BLM: variants seen among roughly 807,000 people sequenced by gnomAD.
BLM encodes BLM RecQ like helicase.
A neutral mutation model predicts 135.3 loss-of-function variants in BLM; 95 were observed. The ratio of observed to expected loss-of-function variants is 0.70; its 90% confidence interval spans 0.59 to 0.83. The LOEUF is 0.83. Ranked by LOEUF, BLM falls within the 40% of genes least tolerant of loss-of-function variation. The pLI, the probability that BLM is intolerant of heterozygous loss-of-function variation, is 0.00. For missense variants in BLM, 1,518 were observed against 1,663.9 expected (o/e 0.91, Z 1.53); for synonymous variants, 520 against 589.2 (o/e 0.88, Z 1.70).
Position 90,809,257 on chromosome 15 carries a change from C to G in BLM, c.3872C>G (p.Pro1291Arg), listed in dbSNP as rs373003917. Residue 1291 changes from proline (P) to arginine (R), a missense_variant and splice_region_variant, in exon 20 of 22, where the codon CCA becomes CGA. Coordinates refer to ENST00000355112, the MANE Select transcript of BLM (RefSeq NM_000057.4). ...VLQKYSEWTS[P>R]AEDSSPGISL... ...CAGAAATACTCTGAATGGACATCGC[C>G]AGGTTAGTACACAGCCATGTGTGTT... The G allele has an allele frequency of 6.2e-7, 1 of 1,614,162 alleles. No homozygotes were observed. Among genetic ancestry groups the G allele is most frequent in the South Asian group, 1.1e-5 (1 of 91,086 alleles).
Position 90,723,705 on chromosome 15 carries a change from A to T in BLM, c.-5+6265A>T, listed in dbSNP as rs185377009. Among the ~76,000 whole-genome samples the T allele has an allele frequency of 3.9e-5, 6 of 152,284 alleles. No individual in the cohort carries two copies. In the East Asian group the frequency reaches 1.2e-3, roughly 29 times the overall value. ...TCTTAACCTCTTAACAGAGTTTTAC[A>T]TGTATAGTACCACACAGCCACAATG... On this transcript the variant is annotated intron_variant, in intron 1 of 21. Coordinates refer to ENST00000355112, the MANE Select transcript of BLM (RefSeq NM_000057.4).
At chr15:90,781,426 A>T (rs1270686046) in intron 12 of BLM, among the ~76,000 whole-genome samples, 1 of 152,146 alleles carries the variant, frequency 6.6e-6, no homozygotes, top group African/African-American at 2.4e-5. Flanking sequence ...GGAGTTTGAG[A>T]CCAGCCTGGC....
intron 3 of BLM, among the ~76,000 whole-genome samples, chr15:90,750,915 T>C (rs939672972): frequency 1.3e-4 from 20 of 152,210 alleles, no homozygotes; most frequent in Admixed American, 3.9e-4. Context: ...TTCCTGAAGA[T>C]AAGGGGGTTG....
rs1298735524 is a variant in BLM, at chr15:90,808,888, CTGCCCTGGCTCT to C, written c.3752-242_3752-231del. On this transcript the variant is annotated intron_variant, in intron 19 of 21. Coordinates refer to ENST00000355112, the MANE Select transcript of BLM (RefSeq NM_000057.4). ...CACAGGTCCCACCCTCAGCTTCCTC[CTGCCCTGGCTCT>C]TGCCCTTGCTCTGCCCTGGCCTATG... The C allele has an allele frequency of 7.2e-6, 4 of 556,050 alleles. No homozygotes were observed. The East Asian group carries it at 1.3e-4, about 18-fold the overall frequency. 34.4% of individuals were successfully genotyped at this position (556,050 alleles called of 1,614,324 possible).
At chr15:90,770,167 T>TCCC (rs35712829) in intron 12 of BLM, among the ~76,000 whole-genome samples, 82 of 120,506 alleles carry the variant, frequency 6.8e-4, no homozygotes, top group Middle Eastern at 4.3e-3. Context: ...ATAAAAGAAA[T>TCCC]CCCCCCCCCC....
intron 17 of BLM, 69 bp downstream of exon 17, chr15:90,798,406 G>A (rs761856299): frequency 4.6e-6 from 7 of 1,509,610 alleles, no homozygotes; most frequent in Non-Finnish European, 6.3e-6. Context: ...TTTATTACAA[G>A]TACATAGAAA....
intron 19 of BLM, 45 bp from the exon 20 acceptor site, chr15:90,809,092 T>C (rs372136798): frequency 1.2e-6 from 2 of 1,612,106 alleles, no homozygotes; most frequent in African/African-American, 2.7e-5. Context: ...CAGTGGGTTT[T>C]CTATGGGTGA....
chr15:90,776,753 T>C (rs1020825028), intron 12 of BLM, among the ~76,000 whole-genome samples: 3 of 152,202 alleles, frequency 2.0e-5, no homozygotes, highest in African/African-American at 7.2e-5. Flanking sequence ...TTGCCCAGAC[T>C]GGTCTCGAAC....
chr15:90,777,072 G>A (rs1468740637), intron 12 of BLM, among the ~76,000 whole-genome samples: 4 of 151,154 alleles, frequency 2.6e-5, no homozygotes, highest in Admixed American at 6.6e-5. Flanking sequence ...TGAACTCCTG[G>A]GCTTAAGTGA....
intron 13 of BLM, among the ~76,000 whole-genome samples, chr15:90,784,021 A>C (rs1477308536): frequency 1.3e-5 from 2 of 152,214 alleles, no homozygotes; most frequent in Non-Finnish European, 2.9e-5. Flanking sequence ...CTACTAGCAT[A>C]CTATATACGT....
intron 12 of BLM, among the ~76,000 whole-genome samples, chr15:90,775,693 G>A (rs965401640): frequency 1.3e-5 from 2 of 151,850 alleles, no homozygotes; most frequent in Admixed American, 1.3e-4. Context: ...TCTATTTTTA[G>A]TAGAGACGGG....
rs1003048946 is a variant in BLM at position 90,792,298 on chromosome 15, G to T, written c.3019+1454G>T. Among the ~76,000 whole-genome samples, 3 of 150,602 alleles carry T rather than the reference G, an allele frequency of 2.0e-5. No homozygotes were observed. In the East Asian group the frequency reaches 6.0e-4, roughly 30 times the overall value. On this transcript the variant is annotated intron_variant, in intron 15 of 21. Coordinates refer to ENST00000355112, the MANE Select transcript of BLM (RefSeq NM_000057.4). The stretch of plus-strand genomic sequence containing the variant: ...TTTTTGTATTTTTAGTAGAGACAGG[G>T]TTTCACCATGTTGGCCAGGCTGGTC...
chr15:90,717,746 C>A (rs1369713377), intron 1 of BLM, among the ~76,000 whole-genome samples: 1 of 152,224 alleles, frequency 6.6e-6, no homozygotes, highest in African/African-American at 2.4e-5. Context: ...TAACATGATG[C>A]CCTGCACAGA....
At chr15:90,757,801 A>G (rs1024912768) in intron 5 of BLM, among the ~76,000 whole-genome samples, 5 of 151,894 alleles carry the variant, frequency 3.3e-5, no homozygotes, top group African/African-American at 1.2e-4. Context: ...AGCCCACCTA[A>G]ACTGTTTTTT....
intron 12 of BLM, among the ~76,000 whole-genome samples, chr15:90,781,395 T>TG (rs1198962401): frequency 6.6e-6 from 1 of 152,146 alleles, no homozygotes; most frequent in Non-Finnish European, 1.5e-5. Flanking sequence ...GAGGCCAAGG[T>TG]GGGCAGATCA....
intron 1 of BLM, among the ~76,000 whole-genome samples, chr15:90,719,589 C>T (rs144257322): frequency 3.0e-4 from 45 of 152,016 alleles, no homozygotes; most frequent in Admixed American, 1.2e-3. Context: ...AGTGAGAGTC[C>T]GTCAGTCAAT....
rs367543019 is a variant in BLM, at chr15:90,769,518, T to TA, written c.2488dup (p.Thr830AsnfsTer5). On this transcript the variant is annotated frameshift_variant, in exon 12 of 22. Coordinates refer to ENST00000355112, the MANE Select transcript of BLM (RefSeq NM_000057.4). LOFTEE classifies it high-confidence loss of function. ...TTCCTTCTGTTCCGGTGATGGCTCT[T>TA]ACGGCCACAGCTAATCCCAGGGTAC... is the stretch of plus-strand genomic sequence containing the variant. 2.5e-6 allele frequency: 4 copies of TA among 1,613,874 alleles called. No individual in the cohort carries two copies. Among genetic ancestry groups the TA allele is most frequent in the Non-Finnish European group, 3.4e-6 (4 of 1,179,884 alleles).
At chr15:90,776,909 T>C (rs1405958803) in intron 12 of BLM, among the ~76,000 whole-genome samples, 1 of 152,226 alleles carries the variant, frequency 6.6e-6, no homozygotes, top group Non-Finnish European at 1.5e-5. Context: ...TTTCCAAAAA[T>C]GGGAAATGAC....
intron 5 of BLM, among the ~76,000 whole-genome samples, chr15:90,755,953 G>A (rs574160923): frequency 6.6e-6 from 1 of 152,106 alleles, no homozygotes; most frequent in South Asian, 2.1e-4. Flanking sequence ...TGTTGTTTTT[G>A]TTTCCTCCAG....
Sources: gnomAD v4.1 joint callset for allele counts (sites outside exome capture counted in the v4.1 genomes callset) on GRCh38, gnomAD v4.1.1 for gene constraint, MANE v1.5 for transcripts, NCBI Gene and HGNC (gene_info 2026-07-23, HGNC 2026-07-21) for gene names.